KCTD8: variants seen among roughly 807,000 people sequenced by gnomAD.
The protein encoded by KCTD8 is potassium channel tetramerization domain containing 8, also known as BTB/POZ domain-containing protein KCTD8.
In KCTD8, 27 loss-of-function variants were observed where a neutral mutation model predicts 31.5. That is an observed-to-expected ratio of 0.86 (90% CI 0.63 to 1.18). The LOEUF (loss-of-function observed/expected upper bound fraction) is 1.18, where lower values mean the gene tolerates loss of function less well. KCTD8 is among the 50% of genes most tolerant of loss of function. The pLI is 0.00. For missense variants in KCTD8, 658 were observed against 647.7 expected (o/e 1.02, Z -0.17); for synonymous variants, 290 against 280.0 (o/e 1.04, Z -0.36).
intron 1 of KCTD8, among the ~76,000 whole-genome samples, chr4:44,332,386 C>T (rs984919368): frequency 1.3e-5 from 2 of 152,018 alleles, no homozygotes; most frequent in East Asian, 3.9e-4. Context: ...TATAATATAC[C>T]TTAACACTGT....
intron 1 of KCTD8, among the ~76,000 whole-genome samples, chr4:44,234,444 A>C (rs866222646): frequency 5.3e-5 from 8 of 152,308 alleles, no homozygotes; most frequent in Middle Eastern, 3.4e-3. Context: ...TCATTGACAG[A>C]TAAGTATCAA....
At chr4:44,318,144 T>C (rs1372880992) in intron 1 of KCTD8, among the ~76,000 whole-genome samples, 1 of 152,256 alleles carries the variant, frequency 6.6e-6, no homozygotes, top group Non-Finnish European at 1.5e-5. Flanking sequence ...GTCTGCTTTC[T>C]ATATTCCAAT....
At chr4:44,400,292 T>C (rs1025136888) in intron 1 of KCTD8, among the ~76,000 whole-genome samples, 3 of 152,106 alleles carry the variant, frequency 2.0e-5, no homozygotes, top group Non-Finnish European at 2.9e-5. Context: ...TTTCTAAGTA[T>C]AAAATTTCAT....
intron 1 of KCTD8, among the ~76,000 whole-genome samples, chr4:44,181,855 G>A (rs1342829884): frequency 5.3e-5 from 8 of 151,654 alleles, no homozygotes; most frequent in East Asian, 3.9e-4. Flanking sequence ...GCCTCTGCCC[G>A]GCCGCGACCC....
intron 1 of KCTD8, among the ~76,000 whole-genome samples, chr4:44,274,230 T>C (rs1716687397): frequency 6.6e-6 from 1 of 151,932 alleles, no homozygotes; most frequent in Non-Finnish European, 1.5e-5. Context: ...TTTAACTTTC[T>C]AACTTTAGCA....
At chr4:44,256,536 CA>C (rs1465891820) in intron 1 of KCTD8, among the ~76,000 whole-genome samples, 3 of 151,814 alleles carry the variant, frequency 2.0e-5, no homozygotes, top group Non-Finnish European at 4.4e-5. Flanking sequence ...AAGTTTCATA[CA>C]CTACTGGTGG....
intron 1 of KCTD8, among the ~76,000 whole-genome samples, chr4:44,269,387 A>G (rs1470687336): frequency 6.6e-6 from 1 of 151,730 alleles, no homozygotes; most frequent in Admixed American, 6.6e-5. Context: ...ACAAAAATTA[A>G]TTCAAGATGG....
chr4:44,270,360 G>A (rs544749275), intron 1 of KCTD8, among the ~76,000 whole-genome samples: 8 of 135,454 alleles, frequency 5.9e-5, no homozygotes, highest in Non-Finnish European at 9.3e-5. Flanking sequence ...ATGGACACAC[G>A]AAGGGGAACA....
intron 1 of KCTD8, among the ~76,000 whole-genome samples, chr4:44,181,380 C>T (rs374427195): frequency 1.9e-3 from 295 of 152,272 alleles, no homozygotes; most frequent in Non-Finnish European, 2.7e-3. Context: ...CGAGTGCCTG[C>T]GATTGCAGGC....
chr4:44,221,216 T>C (rs1560398427), intron 1 of KCTD8, among the ~76,000 whole-genome samples: 1 of 152,196 alleles, frequency 6.6e-6, no homozygotes, highest in Non-Finnish European at 1.5e-5. Context: ...ATAAGCACTA[T>C]GTTAAGCTTT....
intron 1 of KCTD8, among the ~76,000 whole-genome samples, chr4:44,181,010 C>T (rs1713366819): frequency 6.6e-6 from 1 of 152,076 alleles, no homozygotes; most frequent in Admixed American, 6.5e-5. Flanking sequence ...TAAGTATAGT[C>T]CTAGAAAACA....
intron 1 of KCTD8, among the ~76,000 whole-genome samples, chr4:44,222,786 G>A (rs574679262): frequency 3.3e-5 from 5 of 152,328 alleles, no homozygotes; most frequent in South Asian, 2.1e-4. Context: ...TTAGGAAAGA[G>A]CTGGGCAGGA....
At chr4:44,404,800 CG>C (rs1680951953) in intron 1 of KCTD8, among the ~76,000 whole-genome samples, 1 of 152,112 alleles carries the variant, frequency 6.6e-6, no homozygotes, top group Admixed American at 6.5e-5. Flanking sequence ...TGTTTAAAAT[CG>C]TATAAAAGTA....
At chr4:44,259,074 T>A (rs1391295475) in intron 1 of KCTD8, among the ~76,000 whole-genome samples, 1 of 151,950 alleles carries the variant, frequency 6.6e-6, no homozygotes, top group Non-Finnish European at 1.5e-5. Flanking sequence ...GTTAGGAAAC[T>A]TGTCTTGGAA....
intron 1 of KCTD8, among the ~76,000 whole-genome samples, chr4:44,433,956 C>T (rs1027161532): frequency 2.6e-5 from 4 of 151,876 alleles, no homozygotes; most frequent in African/African-American, 9.7e-5. Context: ...GTGCAGTCTG[C>T]TGCCACAGTT....
chr4:44,191,716 A>G (rs1713770704), intron 1 of KCTD8, among the ~76,000 whole-genome samples: 1 of 152,114 alleles, frequency 6.6e-6, no homozygotes, highest in African/African-American at 2.4e-5. Flanking sequence ...AGGTCAGATG[A>G]GTTCTCTGCT....
chr4:44,432,877 T>A (rs1721538625), intron 1 of KCTD8, among the ~76,000 whole-genome samples: 1 of 151,774 alleles, frequency 6.6e-6, no homozygotes, highest in African/African-American at 2.4e-5. Flanking sequence ...GGAGCATTTG[T>A]ATTGTTAAGT....
intron 1 of KCTD8, among the ~76,000 whole-genome samples, chr4:44,323,239 A>C (rs1166790977): frequency 2.0e-5 from 3 of 151,928 alleles, no homozygotes; most frequent in Non-Finnish European, 4.4e-5. Flanking sequence ...CACACCTGTA[A>C]TCCTAGCACT....
intron 1 of KCTD8, among the ~76,000 whole-genome samples, chr4:44,388,284 G>T (rs1324640065): frequency 1.3e-5 from 2 of 151,834 alleles, no homozygotes; most frequent in African/African-American, 4.8e-5. Context: ...CAGCCATCGT[G>T]GAAGACTGTG....
Sources: allele counts gnomAD v4.1 joint callset (sites outside exome capture counted in the v4.1 genomes callset), GRCh38; gene constraint gnomAD v4.1.1; transcripts MANE v1.5; gene names NCBI Gene and HGNC (gene_info 2026-07-23, HGNC 2026-07-21).